The following PRKG1 variants were observed in gnomAD, a reference collection of about 807,000 sequenced individuals.
The protein encoded by PRKG1 is cGMP-dependent protein kinase 1.
Under a neutral mutation model 88.1 loss-of-function variants are expected in PRKG1, and 35 were observed. That is an observed-to-expected ratio of 0.40 (90% CI 0.30 to 0.53). The LOEUF (loss-of-function observed/expected upper bound fraction) is 0.53. Ranked by LOEUF, PRKG1 falls within the 20% of genes least tolerant of loss-of-function variation. The pLI, the probability that PRKG1 is intolerant of heterozygous loss-of-function variation, is 0.59. For missense variants in PRKG1, 540 were observed against 839.8 expected (o/e 0.64, Z 4.41); for synonymous variants, 303 against 292.5 (o/e 1.04, Z -0.37).
chr10:51,434,220 C>A (rs1045045576), intron 2 of PRKG1, among the ~76,000 whole-genome samples: 3 of 152,086 alleles, frequency 2.0e-5, no homozygotes, highest in African/African-American at 7.2e-5. Flanking sequence ...GCCTTCAAAT[C>A]CGTATCACAG....
chr10:51,376,895 T>C (rs1445794943), intron 2 of PRKG1, among the ~76,000 whole-genome samples: 1 of 152,190 alleles, frequency 6.6e-6, no homozygotes, highest in Non-Finnish European at 1.5e-5. Context: ...CAGACTGTTT[T>C]TGAACTCCTG....
intron 4 of PRKG1, among the ~76,000 whole-genome samples, chr10:51,879,635 TA>T (rs1841387385): frequency 6.6e-6 from 1 of 152,332 alleles, no homozygotes; most frequent in East Asian, 1.9e-4. Flanking sequence ...TCCATGACTT[TA>T]AACCTGCCTC....
intron 9 of PRKG1, among the ~76,000 whole-genome samples, chr10:52,243,598 T>A (rs1409518726): frequency 6.6e-6 from 1 of 152,194 alleles, no homozygotes; most frequent in Non-Finnish European, 1.5e-5. Context: ...ATAAATATGC[T>A]ATGATGTGAA....
At chr10:51,028,581 GA>G (rs5784853) in intron 1 of PRKG1, among the ~76,000 whole-genome samples, 1 of 151,270 alleles carries the variant, frequency 6.6e-6, no homozygotes, top group Non-Finnish European at 1.5e-5. Context: ...GAGAAGCCAG[GA>G]AAAAAAAATT....
At position 51,062,306 on chromosome 10, in the gene PRKG1, C is replaced by A. The variant is rs192602938; in HGVS notation, c.266+70662C>A. On this transcript the variant is annotated intron_variant, in intron 1 of 17. Coordinates refer to the PRKG1 transcript ENST00000401604. ...TTTGAAGCTTTGCTCAACTTCTTAGCCTCTCAGCTTCTAATTTATGCTTAC... is the reference window on the plus strand; with the variant it reads ...TTTGAAGCTTTGCTCAACTTCTTAGACTCTCAGCTTCTAATTTATGCTTAC... Among the ~76,000 whole-genome samples the A allele has an allele frequency of 2.6e-5, 4 of 152,236 alleles. No homozygotes were observed. The East Asian group carries it at 5.8e-4, about 22-fold the overall frequency.
At chr10:52,075,807 T>G (rs1846614038) in intron 7 of PRKG1, among the ~76,000 whole-genome samples, 1 of 152,146 alleles carries the variant, frequency 6.6e-6, no homozygotes, top group African/African-American at 2.4e-5. Context: ...CGTTCCTCAG[T>G]GAATTCATGT....
At chr10:52,134,035 G>A in intron 8 of PRKG1, 130 bp downstream of exon 8, 1 of 738,274 alleles carries the variant, frequency 1.4e-6, no homozygotes, top group South Asian at 2.2e-5. Flanking sequence ...AATGAATTCT[G>A]TATTTGTTTC....
At chr10:52,079,294 T>A (rs539793945) in intron 7 of PRKG1, among the ~76,000 whole-genome samples, 24 of 152,324 alleles carry the variant, frequency 1.6e-4, no homozygotes, top group African/African-American at 5.3e-4. Flanking sequence ...TGCATGGTTT[T>A]TTTTCATCAT....
At chr10:51,785,035 G>T (rs1398290509) in intron 3 of PRKG1, among the ~76,000 whole-genome samples, 3 of 150,944 alleles carry the variant, frequency 2.0e-5, no homozygotes, top group Admixed American at 2.0e-4. Context: ...CCTTCTTTAG[G>T]CCATAAAATT....
intron 3 of PRKG1, among the ~76,000 whole-genome samples, chr10:51,710,964 T>G (rs1253009236): frequency 6.6e-6 from 1 of 152,198 alleles, no homozygotes; most frequent in African/African-American, 2.4e-5. Flanking sequence ...CCGAAGGTGC[T>G]GTGATTACAG....
intron 3 of PRKG1, among the ~76,000 whole-genome samples, chr10:51,514,785 G>A (rs1841529851): frequency 6.6e-6 from 1 of 152,174 alleles, no homozygotes; most frequent in Non-Finnish European, 1.5e-5. Flanking sequence ...GTGTTTCCAG[G>A]TTTTCAGTCT....
At position 51,455,313 on chromosome 10, in the gene PRKG1, G is replaced by T. The variant is rs1838410; in HGVS notation, c.479-12410G>T. 8.4e-3 allele frequency among the ~76,000 whole-genome samples: 1,280 copies of T among 152,354 alleles called. 24 individuals are homozygous for T. The highest frequency in any genetic ancestry group is 0.029 in the African/African-American group (1,226 of 41,586). Reference sequence around the variant, plus strand: ...GGCCTCCAGGCCTGTGATGGGAGGAGCTACCTCAAAGGTCTCTGACATGCC... The same window carrying T: ...GGCCTCCAGGCCTGTGATGGGAGGATCTACCTCAAAGGTCTCTGACATGCC... On this transcript the variant is annotated intron_variant, in intron 2 of 17. Coordinates refer to ENST00000373980, the MANE Select transcript of PRKG1 (RefSeq NM_006258.4).
At position 51,601,721 on chromosome 10, in the gene PRKG1, A is replaced by ATTTTTTTTTTTTTTTTTTTTTTTTTTTTT. The variant is rs749205610; in HGVS notation, c.592+133905_592+133933dup. On this transcript the variant is annotated intron_variant, in intron 3 of 17. Coordinates refer to ENST00000373980, the MANE Select transcript of PRKG1 (RefSeq NM_006258.4). ...TTTTAGAAATAAAGTGGCAGATTGAATTTTTTTTTTTTTTTTTTTTTTTTT... is the reference window on the plus strand; with the variant it reads ...TTTTAGAAATAAAGTGGCAGATTGAATTTTTTTTTTTTTTTTTTTTTTTTTTTTTTTTTTTTTTTTTTTTTTTTTTTTTT... Among the ~76,000 whole-genome samples, 6 of 43,574 alleles carry ATTTTTTTTTTTTTTTTTTTTTTTTTTTTT rather than the reference A, an allele frequency of 1.4e-4. 2 individuals are homozygous for ATTTTTTTTTTTTTTTTTTTTTTTTTTTTT. The highest frequency in any genetic ancestry group is 1.8e-4 in the Non-Finnish European group (4 of 22,068). The allele number at this position is 43,574 out of a possible 152,430, so 28.6% of individuals were successfully genotyped here.
At chr10:51,078,119 G>T (rs543047268) in intron 1 of PRKG1, among the ~76,000 whole-genome samples, 13 of 152,168 alleles carry the variant, frequency 8.5e-5, no homozygotes, top group Non-Finnish European at 1.8e-4. Flanking sequence ...AGTCATTTCA[G>T]TTGGATTATA....
chr10:52,175,952 C>G (rs1380588868), intron 9 of PRKG1, among the ~76,000 whole-genome samples: 1 of 152,022 alleles, frequency 6.6e-6, no homozygotes, highest in Non-Finnish European at 1.5e-5. Context: ...GTTATCTTTT[C>G]ACTCTGTTGA....
At position 51,138,219 on chromosome 10, in the gene PRKG1, A is replaced by G. The variant is rs144180955; in HGVS notation, c.312-14945A>G. Reference sequence around the variant, plus strand: ...AAATGAGGTAGTCATTTTATTAACTATAAACAGGAGCTTTGCTTTACTGGT... The same window carrying G: ...AAATGAGGTAGTCATTTTATTAACTGTAAACAGGAGCTTTGCTTTACTGGT... On this transcript the variant is annotated intron_variant, in intron 1 of 17. Coordinates refer to ENST00000373980, the MANE Select transcript of PRKG1 (RefSeq NM_006258.4). Among the ~76,000 whole-genome samples, 9 of 152,342 alleles carry G rather than the reference A, an allele frequency of 5.9e-5. 1 individual carries two copies. Among genetic ancestry groups the G allele is most frequent in the African/African-American group, 2.2e-4 (9 of 41,594 alleles).
At chr10:51,901,586 C>T (rs1436414870) in intron 4 of PRKG1, among the ~76,000 whole-genome samples, 8 of 152,082 alleles carry the variant, frequency 5.3e-5, no homozygotes, top group Admixed American at 3.9e-4. Context: ...GTAACTGACC[C>T]GTAAGATGCT....
chr10:51,479,876 C>T (rs552507606), intron 3 of PRKG1, among the ~76,000 whole-genome samples: 4 of 152,040 alleles, frequency 2.6e-5, no homozygotes, highest in African/African-American at 7.2e-5. Flanking sequence ...AGGTTTCTCC[C>T]GATTTTTGTG....
At chr10:51,983,281 G>A (rs1196275733) in intron 5 of PRKG1, among the ~76,000 whole-genome samples, 2 of 152,108 alleles carry the variant, frequency 1.3e-5, no homozygotes, top group Non-Finnish European at 2.9e-5. Flanking sequence ...TACCCTCCAG[G>A]CCCCTAATCC....
Sources: gnomAD v4.1 joint callset for allele counts (sites outside exome capture counted in the v4.1 genomes callset) on GRCh38, gnomAD v4.1.1 for gene constraint, MANE v1.5 for transcripts, NCBI Gene and HGNC (gene_info 2026-07-23, HGNC 2026-07-21) for gene names.